Variants in CALN1 observed in about 807,000 individuals in gnomAD.
CALN1 encodes calneuron 1.
Under a neutral mutation model 30.6 loss-of-function variants are expected in CALN1, and 17 were observed. That is an observed-to-expected ratio of 0.56 (90% CI 0.38 to 0.83). The LOEUF is 0.83. CALN1 is among the 40% of genes least tolerant of loss of function. The probability of loss-of-function intolerance (pLI) is 0.00; values close to 1 mark genes in which losing one functional copy is unlikely to be tolerated. For missense variants in CALN1, 291 were observed against 354.9 expected, an observed-to-expected ratio of 0.82 and a Z score of 1.45; for synonymous variants, 156 against 131.4, an observed-to-expected ratio of 1.19 and a Z score of -1.28.
chr7:71,999,248 A>G (rs1207703775), intron 5 of CALN1, among the ~76,000 whole-genome samples: 1 of 152,244 alleles, frequency 6.6e-6, no homozygotes, highest in Non-Finnish European at 1.5e-5. Context: ...GGGACATTAT[A>G]TAATAGTCAA....
At chr7:72,168,408 C>T (rs563832392) in intron 3 of CALN1, among the ~76,000 whole-genome samples, 22 of 152,194 alleles carry the variant, frequency 1.4e-4, no homozygotes, top group Non-Finnish European at 2.8e-4. Flanking sequence ...TGCATGCATA[C>T]GTATTTATGT....
intron 3 of CALN1, among the ~76,000 whole-genome samples, chr7:72,145,922 C>A (rs1786679893): frequency 6.6e-6 from 1 of 152,216 alleles, no homozygotes; most frequent in African/African-American, 2.4e-5. Context: ...AATTCAACAG[C>A]CCTTCGTGCT....
At chr7:72,071,320 C>T (rs1804378118) in intron 4 of CALN1, among the ~76,000 whole-genome samples, 1 of 152,178 alleles carries the variant, frequency 6.6e-6, no homozygotes, top group African/African-American at 2.4e-5. Flanking sequence ...ACTGTTGCTA[C>T]ACCTCTGCCC....
At chr7:72,254,923 C>T (rs151034420) in intron 3 of CALN1, among the ~76,000 whole-genome samples, 2,460 of 152,066 alleles carry the variant, frequency 0.016, 37 homozygotes, top group African/African-American at 0.033. Flanking sequence ...TGCACCACCA[C>T]GCCCAGCTAA....
intron 5 of CALN1, among the ~76,000 whole-genome samples, chr7:71,850,747 A>G (rs971891342): frequency 6.6e-6 from 1 of 152,250 alleles, no homozygotes; most frequent in African/African-American, 2.4e-5. Flanking sequence ...CAATACAATT[A>G]GCTCTTAAAA....
intron 5 of CALN1, among the ~76,000 whole-genome samples, chr7:71,884,480 T>C (rs1405177741): frequency 6.6e-6 from 1 of 151,532 alleles, no homozygotes; most frequent in Non-Finnish European, 1.5e-5. Context: ...CTGGGGGCGA[T>C]GATCACTGAA....
Position 71,784,831 on chromosome 7 carries a change from TG to T in CALN1, c.*2943del, listed in dbSNP as rs1362495683. 1 of 398,552 alleles carries T rather than the reference TG, an allele frequency of 2.5e-6. No homozygotes were observed. The highest frequency in any genetic ancestry group is 4.4e-6 in the Non-Finnish European group (1 of 226,146). The allele number at this position is 398,552 out of a possible 1,614,324, so 24.7% of individuals were successfully genotyped here. ...GGGGCTACATGGCATCCCTTGGGCA[TG>T]GGAGACCAGGACCTTCTGGAATCTT... is the stretch of plus-strand genomic sequence containing the variant. On this transcript the variant is annotated 3_prime_UTR_variant, in exon 7 of 7. Transcript: ENST00000395275.
intron 5 of CALN1, among the ~76,000 whole-genome samples, chr7:71,979,899 A>G (rs553143523): frequency 1.3e-3 from 147 of 109,752 alleles, no homozygotes; most frequent in African/African-American, 4.9e-3. Context: ...TTTTTTTGAG[A>G]CAGAGTCTCA....
At chr7:72,208,939 GTTTC>G (rs1005130574) in intron 3 of CALN1, among the ~76,000 whole-genome samples, 6 of 151,884 alleles carry the variant, frequency 4.0e-5, no homozygotes, top group South Asian at 2.1e-4. Context: ...GTCATGTTCT[GTTTC>G]TTTCTTTCTT....
intron 3 of CALN1, among the ~76,000 whole-genome samples, chr7:72,252,702 T>C (rs1259209297): frequency 6.6e-6 from 1 of 152,014 alleles, no homozygotes; most frequent in Admixed American, 6.6e-5. Flanking sequence ...CCACCACCCT[T>C]GTCCTAGCCA....
At chr7:72,355,084 T>G (rs866831914) in intron 2 of CALN1, among the ~76,000 whole-genome samples, 1 of 152,080 alleles carries the variant, frequency 6.6e-6, no homozygotes, top group Non-Finnish European at 1.5e-5. Flanking sequence ...AATTTTTGTA[T>G]TTTTTATAGA....
rs1793042624 is a variant in CALN1, at chr7:71,787,464, G to A, written c.*311C>T. On this transcript the variant is annotated 3_prime_UTR_variant, in exon 7 of 7. Transcript: ENST00000395275. ...ACCTGGATGGCTGCTGGAATTCCGA[G>A]ATGAAGATGAAGTTTTTCTCTAGAG... The A allele has an allele frequency of 3.6e-6, 1 of 275,672 alleles. No individual in the cohort carries two copies. Among genetic ancestry groups the A allele is most frequent in the South Asian group, 5.4e-5 (1 of 18,610 alleles). The allele number at this position is 275,672 out of a possible 1,614,324, so 17.1% of individuals were successfully genotyped here. A position where few individuals can be genotyped will look rare whatever the true frequency, so the allele number is the denominator to read the frequency against.
intron 2 of CALN1, among the ~76,000 whole-genome samples, chr7:72,347,939 T>A (rs1254611152): frequency 6.6e-6 from 1 of 152,064 alleles, no homozygotes; most frequent in African/African-American, 2.4e-5. Flanking sequence ...GAGACCAGCC[T>A]GGCCAACATG....
intron 4 of CALN1, among the ~76,000 whole-genome samples, chr7:72,082,037 A>AGTGCAGTG (rs1735768949): frequency 6.6e-6 from 1 of 151,824 alleles, no homozygotes. Context: ...CCCAGGCTGG[A>AGTGCAGTG]GTGCAGTGGT....
chr7:72,302,911 A>AAAAAAC (rs1799385687), intron 2 of CALN1, among the ~76,000 whole-genome samples: 2 of 150,104 alleles, frequency 1.3e-5, no homozygotes, highest in African/African-American at 4.9e-5. Context: ...AAAAAAAAAA[A>AAAAAAC]AAAAAACGAA....
In CALN1 at chr7:71,809,412, T is replaced by C. The variant is rs953771654; in HGVS notation, c.658+924A>G. ...GACCAGGCAACCAAATATATCCTTC[T>C]AGTGTCTATGTGACAGCTTCCCAAC... On this transcript the variant is annotated intron_variant, in intron 6 of 6. Transcript: ENST00000395275. Among the ~76,000 whole-genome samples the C allele has an allele frequency of 7.7e-5, 11 of 142,008 alleles. No homozygotes were observed. The Admixed American group carries it at 8.5e-4, about 11-fold the overall frequency. 93.2% of individuals were successfully genotyped at this position (142,008 alleles called of 152,430 possible).
chr7:71,974,938 T>G (rs141780433), intron 5 of CALN1, among the ~76,000 whole-genome samples: 45 of 152,290 alleles, frequency 3.0e-4, no homozygotes, highest in Non-Finnish European at 5.9e-4. Flanking sequence ...CTGAGATGTT[T>G]TGCTCTCTGT....
intron 1 of CALN1, among the ~76,000 whole-genome samples, chr7:72,405,856 A>G (rs768958125): frequency 5.3e-5 from 8 of 152,208 alleles, no homozygotes; most frequent in Non-Finnish European, 1.0e-4. Flanking sequence ...AAACTTCTGA[A>G]TATGTTGAGT....
chr7:71,834,595 A>AT (rs1268448246), intron 5 of CALN1, among the ~76,000 whole-genome samples: 1 of 152,046 alleles, frequency 6.6e-6, no homozygotes, highest in Non-Finnish European at 1.5e-5. Context: ...GGTTATTATG[A>AT]TTTTTTTCTT....
Sources: allele counts gnomAD v4.1 joint callset (sites outside exome capture counted in the v4.1 genomes callset), GRCh38; gene constraint gnomAD v4.1.1; transcripts MANE v1.5; gene names NCBI Gene and HGNC (gene_info 2026-07-23, HGNC 2026-07-21).